Variants in CDX1 observed in about 807,000 individuals in gnomAD.
CDX1 encodes caudal type homeobox 1.
Under a neutral mutation model 16.9 loss-of-function variants are expected in CDX1, and 9 were observed. The ratio of observed to expected loss-of-function variants is 0.53; its 90% CI spans 0.32 to 0.93. The LOEUF is 0.93. Ranked by LOEUF, CDX1 falls within the 40% of genes least tolerant of loss-of-function variation. The pLI is 0.04. For missense variants in CDX1, 393 were observed against 386.1 expected, an observed-to-expected ratio of 1.02 and a Z score of -0.15; for synonymous variants, 179 against 179.0, an observed-to-expected ratio of 1.00 and a Z score of 0.00.
At chr5:150,167,926 G>C (rs1234679117) in intron 1 of CDX1, among the ~76,000 whole-genome samples, 1 of 152,200 alleles carries the variant, frequency 6.6e-6, no homozygotes, top group East Asian at 1.9e-4. Flanking sequence ...GAGGGGAAGC[G>C]GGAGCAGTGG....
At chr5:150,178,519 C>G in intron 1 of CDX1, among the ~76,000 whole-genome samples, 1 of 152,214 alleles carries the variant, frequency 6.6e-6, no homozygotes. Context: ...CCCCACCCCA[C>G]TGCTCTCACA....
chr5:150,181,403 G>A (rs1347691004), intron 1 of CDX1, among the ~76,000 whole-genome samples: 1 of 152,194 alleles, frequency 6.6e-6, no homozygotes. Context: ...AGCCTCCTGG[G>A]TAGCTGGGAT....
intron 1 of CDX1, among the ~76,000 whole-genome samples, chr5:150,173,121 T>A (rs1336422334): frequency 6.6e-6 from 1 of 152,214 alleles, no homozygotes; most frequent in East Asian, 1.9e-4. Flanking sequence ...CACCCTCCCA[T>A]GGCTTCCTTT....
intron 1 of CDX1, among the ~76,000 whole-genome samples, chr5:150,175,439 A>T (rs1761556708): frequency 6.6e-6 from 1 of 152,196 alleles, no homozygotes; most frequent in African/African-American, 2.4e-5. Flanking sequence ...TGCAGAGATG[A>T]TGAAGAACTC....
At chr5:150,174,776 CTTT>C (rs5872160) in intron 1 of CDX1, among the ~76,000 whole-genome samples, 1 of 142,698 alleles carries the variant, frequency 7.0e-6, no homozygotes, top group Non-Finnish European at 1.5e-5. Flanking sequence ...TCTCTCCTGC[CTTT>C]TTTTTTTTTT....
At chr5:150,168,892 T>G (rs1216133564) in intron 1 of CDX1, among the ~76,000 whole-genome samples, 4 of 152,244 alleles carry the variant, frequency 2.6e-5, no homozygotes, top group Non-Finnish European at 5.9e-5. Flanking sequence ...AAGGTACAAA[T>G]GTTGCATCAT....
intron 1 of CDX1, among the ~76,000 whole-genome samples, chr5:150,174,829 T>G (rs1220248548): frequency 6.6e-6 from 1 of 151,492 alleles, no homozygotes; most frequent in Non-Finnish European, 1.5e-5. Context: ...CAGGCTGGAC[T>G]GCAATGGCGC....
At chr5:150,171,641 T>C (rs915389419) in intron 1 of CDX1, among the ~76,000 whole-genome samples, 1 of 152,364 alleles carries the variant, frequency 6.6e-6, no homozygotes, top group Non-Finnish European at 1.5e-5. Context: ...CGGCCTTTTA[T>C]GCCATTTCTT....
chr5:150,180,134 C>T (rs1041114642), intron 1 of CDX1, among the ~76,000 whole-genome samples: 8 of 152,248 alleles, frequency 5.3e-5, no homozygotes, highest in African/African-American at 1.9e-4. Context: ...CAGCTTTAGC[C>T]CAGTGAACCC....
chr5:150,174,368 A>G (rs994726441), intron 1 of CDX1, among the ~76,000 whole-genome samples: 2 of 152,238 alleles, frequency 1.3e-5, no homozygotes, highest in Non-Finnish European at 2.9e-5. Flanking sequence ...TAAATCTTAA[A>G]TGGCTGTCTT....
At chr5:150,173,020 C>T (rs1761526596) in intron 1 of CDX1, among the ~76,000 whole-genome samples, 1 of 152,062 alleles carries the variant, frequency 6.6e-6, no homozygotes, top group Admixed American at 6.5e-5. Flanking sequence ...CATGCCAGAC[C>T]CTCCCCATGC....
intron 1 of CDX1, among the ~76,000 whole-genome samples, 162 bp downstream of exon 1, chr5:150,167,483 C>T (rs770216472): frequency 6.6e-6 from 1 of 152,222 alleles, no homozygotes; most frequent in Non-Finnish European, 1.5e-5. Flanking sequence ...GCTCCCTCTC[C>T]TCAGTCTCAG....
At chr5:150,179,505 C>G (rs1388559566) in intron 1 of CDX1, among the ~76,000 whole-genome samples, 3 of 152,250 alleles carry the variant, frequency 2.0e-5, no homozygotes, top group African/African-American at 7.2e-5. Flanking sequence ...CCAGTCAGGA[C>G]AGCCCTCTGC....
chr5:150,174,858 C>T (rs1580839133), intron 1 of CDX1, among the ~76,000 whole-genome samples: 2 of 151,382 alleles, frequency 1.3e-5, no homozygotes, highest in African/African-American at 4.9e-5. Context: ...CTCACTGCAA[C>T]GTCCGCCTCC....
rs1205504406 is a variant in CDX1, at chr5:150,175,660, G to T, written c.446-7108G>T. Among the ~76,000 whole-genome samples the T allele has an allele frequency of 2.6e-5, 4 of 152,204 alleles. No homozygotes were observed. The East Asian group carries it at 7.7e-4, about 29-fold the overall frequency. On this transcript the variant is annotated intron_variant, in intron 1 of 2. Coordinates refer to ENST00000231656, the MANE Select transcript of CDX1 (RefSeq NM_001804.3). ...CAACTGTGGGTCAGGCAGAAAGCCT[G>T]ATGTCCCAGGAAGGGTATCCATCCA...
intron 1 of CDX1, among the ~76,000 whole-genome samples, chr5:150,174,968 A>C (rs1484658167): frequency 6.6e-6 from 1 of 151,950 alleles, no homozygotes; most frequent in Non-Finnish European, 1.5e-5. Context: ...GTAGAGACAG[A>C]GTTTCATCAT....
intron 1 of CDX1, among the ~76,000 whole-genome samples, chr5:150,167,602 G>A (rs1409436998): frequency 5.3e-5 from 8 of 152,222 alleles, no homozygotes; most frequent in Non-Finnish European, 1.2e-4. Flanking sequence ...AGCAAGACCC[G>A]AACTAGAACG....
At chr5:150,167,598 A>T (rs531588166) in intron 1 of CDX1, among the ~76,000 whole-genome samples, 167 of 152,290 alleles carry the variant, frequency 1.1e-3, no homozygotes, top group African/African-American at 3.9e-3. Context: ...GCGGAGCAAG[A>T]CCCGAACTAG....
At chr5:150,173,819 A>G (rs1405439795) in intron 1 of CDX1, among the ~76,000 whole-genome samples, 4 of 152,226 alleles carry the variant, frequency 2.6e-5, no homozygotes, top group African/African-American at 9.6e-5. Flanking sequence ...GATGGACAGA[A>G]GGCTGTGCTT....
Sources: gnomAD v4.1 joint callset for allele counts (sites outside exome capture counted in the v4.1 genomes callset) on GRCh38, gnomAD v4.1.1 for gene constraint, MANE v1.5 for transcripts, NCBI Gene and HGNC (gene_info 2026-07-23, HGNC 2026-07-21) for gene names.